MIPOL1: variants seen among roughly 807,000 people sequenced by gnomAD.
The protein encoded by MIPOL1 is mirror-image polydactyly 1.
A neutral mutation model predicts 60.9 loss-of-function variants in MIPOL1; 57 were observed. The ratio of observed to expected loss-of-function variants is 0.94; its 90% CI spans 0.76 to 1.17. The LOEUF is 1.17. Ranked by LOEUF, MIPOL1 falls within the 50% of genes most tolerant of loss-of-function variation. The pLI is 0.00. For missense variants in MIPOL1, 551 were observed against 511.6 expected (o/e 1.08, Z -0.74); for synonymous variants, 179 against 168.8 (o/e 1.06, Z -0.47).
In MIPOL1 at chr14:37,407,642, T is replaced by C. The variant is rs115534323; in HGVS notation, c.937-15213T>C. 1.7e-3 allele frequency among the ~76,000 whole-genome samples: 258 copies of C among 152,100 alleles called. 1 individual carries two copies. Among genetic ancestry groups the C allele is most frequent in the African/African-American group, 5.9e-3 (244 of 41,528 alleles). ...TTTAAATAGTTCTTATTTAAATAAT[T>C]ATTATGTAGTGTTTAATGTAGTACA... On this transcript the variant is annotated intron_variant, in intron 10 of 12. Coordinates refer to ENST00000684589, the MANE Select transcript of MIPOL1 (RefSeq NM_001388067.1).
At chr14:37,356,125 A>G (rs1228151125) in intron 9 of MIPOL1, among the ~76,000 whole-genome samples, 2 of 150,800 alleles carry the variant, frequency 1.3e-5, no homozygotes, top group Non-Finnish European at 2.9e-5. Context: ...TCCTTCTAAC[A>G]GACAGGACCC....
At chr14:37,539,824 A>T (rs2095522598) in intron 12 of MIPOL1, among the ~76,000 whole-genome samples, 1 of 152,128 alleles carries the variant, frequency 6.6e-6, no homozygotes, top group Admixed American at 6.5e-5. Flanking sequence ...TCCCCATTTG[A>T]TGTGATTTGG....
intron 3 of MIPOL1, among the ~76,000 whole-genome samples, chr14:37,262,152 G>C (rs1001499555): frequency 2.6e-5 from 4 of 151,906 alleles, no homozygotes; most frequent in Non-Finnish European, 4.4e-5. Context: ...GAAAAGGGAA[G>C]CATAGTTGGA....
chr14:37,366,307 C>T (rs1205509801), intron 9 of MIPOL1, among the ~76,000 whole-genome samples: 2 of 151,932 alleles, frequency 1.3e-5, no homozygotes, highest in African/African-American at 2.4e-5. Context: ...AAACTTCCCT[C>T]TTAGTACTAC....
chr14:37,304,497 A>G (rs1219512897), intron 7 of MIPOL1, among the ~76,000 whole-genome samples: 2 of 151,712 alleles, frequency 1.3e-5, no homozygotes, highest in Non-Finnish European at 3.0e-5. Flanking sequence ...CTTTTTTAAC[A>G]TGTTAAGTGT....
intron 10 of MIPOL1, among the ~76,000 whole-genome samples, chr14:37,379,736 TAA>T (rs1442667243): frequency 6.6e-6 from 1 of 152,120 alleles, no homozygotes; most frequent in Non-Finnish European, 1.5e-5. Context: ...TTGACTCTTG[TAA>T]ATGGAAAGTT....
chr14:37,315,907 A>G (rs896133914), intron 9 of MIPOL1, among the ~76,000 whole-genome samples: 4 of 152,144 alleles, frequency 2.6e-5, no homozygotes, highest in Admixed American at 6.5e-5. Context: ...CAGTTGGGCA[A>G]AAGAGGAGGA....
chr14:37,412,583 T>G (rs2093697648), intron 10 of MIPOL1, among the ~76,000 whole-genome samples: 1 of 152,098 alleles, frequency 6.6e-6, no homozygotes, highest in Admixed American at 6.6e-5. Flanking sequence ...TATTATTGTA[T>G]TGATATAAGT....
chr14:37,524,862 C>T (rs2095437638), intron 12 of MIPOL1, among the ~76,000 whole-genome samples: 1 of 151,930 alleles, frequency 6.6e-6, no homozygotes, highest in African/African-American at 2.4e-5. Context: ...ACCACCGCAC[C>T]CGGCCTGAAG....
At chr14:37,252,324 A>G (rs1974249667) in intron 3 of MIPOL1, among the ~76,000 whole-genome samples, 1 of 151,914 alleles carries the variant, frequency 6.6e-6, no homozygotes, top group African/African-American at 2.4e-5. Context: ...AAGGTGAAAA[A>G]GCACTTATAG....
At chr14:37,515,271 A>G (rs2095360500) in intron 12 of MIPOL1, among the ~76,000 whole-genome samples, 1 of 150,494 alleles carries the variant, frequency 6.6e-6, no homozygotes, top group African/African-American at 2.4e-5. Flanking sequence ...GGCACTTTTC[A>G]CTTCTTAACC....
chr14:37,357,891 CA>C (rs547524861), intron 9 of MIPOL1, among the ~76,000 whole-genome samples: 119 of 151,892 alleles, frequency 7.8e-4, no homozygotes, highest in African/African-American at 2.7e-3. Flanking sequence ...GCACAATGTG[CA>C]GGTTTGTTAC....
At chr14:37,228,621 C>T (rs1013974680) in intron 1 of MIPOL1, among the ~76,000 whole-genome samples, 5 of 152,102 alleles carry the variant, frequency 3.3e-5, no homozygotes, top group Non-Finnish European at 7.4e-5. Context: ...AAATGTAGTT[C>T]TTTCTTTAGG....
At chr14:37,311,594 T>C (rs1054188621) in intron 9 of MIPOL1, among the ~76,000 whole-genome samples, 6 of 152,348 alleles carry the variant, frequency 3.9e-5, no homozygotes, top group African/African-American at 1.2e-4. Context: ...TTTTGAATTA[T>C]TGTCTTATAT....
chr14:37,247,769 T>A, intron 2 of MIPOL1, 60 bp from the exon 3 acceptor site: 1 of 879,046 alleles, frequency 1.1e-6, no homozygotes, highest in Non-Finnish European at 1.8e-6. Context: ...AAAGGTAAGA[T>A]TTAGGTGTGT....
At chr14:37,272,105 A>G (rs1238464096) in intron 6 of MIPOL1, among the ~76,000 whole-genome samples, 1 of 151,600 alleles carries the variant, frequency 6.6e-6, no homozygotes, top group Non-Finnish European at 1.5e-5. Context: ...AAAATATTAT[A>G]TTAATAAATG....
At chr14:37,493,370 G>A (rs572682434) in intron 11 of MIPOL1, among the ~76,000 whole-genome samples, 4 of 152,172 alleles carry the variant, frequency 2.6e-5, no homozygotes, top group African/African-American at 7.2e-5. Context: ...ATTAAGCTGA[G>A]GTGGCATAGA....
At chr14:37,524,949 T>C (rs367742370) in intron 12 of MIPOL1, among the ~76,000 whole-genome samples, 3 of 152,138 alleles carry the variant, frequency 2.0e-5, no homozygotes, top group South Asian at 4.1e-4. Flanking sequence ...AAAATGAGCA[T>C]GATTATTATC....
At chr14:37,232,500 A>G (rs898785662) in intron 1 of MIPOL1, among the ~76,000 whole-genome samples, 2 of 152,192 alleles carry the variant, frequency 1.3e-5, no homozygotes, top group Non-Finnish European at 1.5e-5. Context: ...CAATGGGAAA[A>G]TGGAAATTGC....
Sources: gnomAD v4.1 joint callset for allele counts (sites outside exome capture counted in the v4.1 genomes callset) on GRCh38, gnomAD v4.1.1 for gene constraint, MANE v1.5 for transcripts, NCBI Gene and HGNC (gene_info 2026-07-23, HGNC 2026-07-21) for gene names.